ADK: variants seen among roughly 807,000 people sequenced by gnomAD.
ADK encodes the protein adenosine kinase.
Under a neutral mutation model 44.7 loss-of-function variants are expected in ADK, and 24 were observed. That is an observed-to-expected ratio of 0.54 (90% CI 0.39 to 0.76). The LOEUF (loss-of-function observed/expected upper bound fraction) is 0.76. ADK is among the 30% of genes least tolerant of loss of function. The probability of loss-of-function intolerance (pLI) is 0.00; values close to 1 mark genes in which losing one functional copy is unlikely to be tolerated. For missense variants in ADK, 321 were observed against 425.1 expected, an observed-to-expected ratio of 0.76 and a Z score of 2.15; for synonymous variants, 128 against 142.6, an observed-to-expected ratio of 0.90 and a Z score of 0.73.
intron 5 of ADK, among the ~76,000 whole-genome samples, chr10:74,397,528 T>TTTTA (rs201407652): frequency 0.018 from 2,710 of 151,966 alleles, 37 homozygotes; most frequent in Non-Finnish European, 0.022. Context: ...TGTAGCAGGA[T>TTTTA]TTTATTTATT....
chr10:74,356,002 A>ATTTTTTTTT (rs34454856), intron 4 of ADK, among the ~76,000 whole-genome samples: 1 of 83,308 alleles, frequency 1.2e-5, no homozygotes, highest in Non-Finnish European at 2.2e-5. Flanking sequence ...TAAATAATTC[A>ATTTTTTTTT]TTTTTTTTTT....
intron 4 of ADK, among the ~76,000 whole-genome samples, chr10:74,392,804 A>AT (rs961587702): frequency 6.6e-5 from 10 of 151,246 alleles, no homozygotes; most frequent in South Asian, 2.1e-4. Flanking sequence ...TTGAGACTTG[A>AT]TTTTTTTTTG....
intron 4 of ADK, among the ~76,000 whole-genome samples, chr10:74,391,957 C>CT (rs1197251362): frequency 2.0e-5 from 3 of 152,064 alleles, no homozygotes; most frequent in African/African-American, 4.8e-5. Context: ...CAATATGTGT[C>CT]TTTTTTGTGA....
chr10:74,200,933 C>T, intron 2 of ADK, 95 bp downstream of exon 2: 1 of 850,658 alleles, frequency 1.2e-6, no homozygotes. Flanking sequence ...CGAATGTCTT[C>T]AATTAAAGGA....
chr10:74,231,953 TTTTG>T (rs1045922174), intron 3 of ADK, among the ~76,000 whole-genome samples: 27 of 151,988 alleles, frequency 1.8e-4, no homozygotes, highest in Non-Finnish European at 2.4e-4. Context: ...TGCTGCTTTT[TTTTG>T]TTTGTCTTTT....
chr10:74,177,945 A>ATATTTTTTT (rs10693309), intron 1 of ADK, among the ~76,000 whole-genome samples: 2 of 108,970 alleles, frequency 1.8e-5, no homozygotes, highest in South Asian at 2.8e-4. Flanking sequence ...ATATATATAT[A>ATATTTTTTT]TTTTTTTTTT....
chr10:74,287,962 G>A (rs1208919785), intron 3 of ADK, among the ~76,000 whole-genome samples: 2 of 135,740 alleles, frequency 1.5e-5, no homozygotes, highest in African/African-American at 2.8e-5. Context: ...TGCCTGGGGC[G>A]ATGTACTGAG....
chr10:74,208,469 A>C (rs952823523), intron 2 of ADK, among the ~76,000 whole-genome samples: 3 of 152,248 alleles, frequency 2.0e-5, no homozygotes, highest in Non-Finnish European at 4.4e-5. Context: ...AGCTGGTCCT[A>C]AGTGGCTAGC....
At chr10:74,625,123 T>C (rs1428126324) in intron 9 of ADK, among the ~76,000 whole-genome samples, 1 of 152,178 alleles carries the variant, frequency 6.6e-6, no homozygotes, top group African/African-American at 2.4e-5. Context: ...TCTTGAAATC[T>C]AGAAGAGACA....
chr10:74,195,837 C>T (rs139998721), intron 1 of ADK, among the ~76,000 whole-genome samples: 57 of 151,556 alleles, frequency 3.8e-4, no homozygotes, highest in African/African-American at 1.0e-3. Context: ...CCACCACACG[C>T]GGCTAATTTT....
chr10:74,549,222 C>T (rs1308553463), intron 7 of ADK, among the ~76,000 whole-genome samples: 2 of 152,126 alleles, frequency 1.3e-5, no homozygotes, highest in African/African-American at 4.8e-5. Context: ...AAATCACACA[C>T]AGTGAGGGGG....
At chr10:74,337,782 G>A (rs1332840155) in intron 4 of ADK, among the ~76,000 whole-genome samples, 29 of 135,372 alleles carry the variant, frequency 2.1e-4, no homozygotes, top group Non-Finnish European at 4.0e-4. Context: ...TTTTTTTTGA[G>A]TCAGAGTCTT....
chr10:74,481,213 G>T (rs1847060103), intron 6 of ADK, among the ~76,000 whole-genome samples: 1 of 152,132 alleles, frequency 6.6e-6, no homozygotes, highest in African/African-American at 2.4e-5. Context: ...CTTATTGAGA[G>T]AATACGAAGA....
chr10:74,268,514 T>C (rs1483310309), intron 3 of ADK, among the ~76,000 whole-genome samples: 1 of 152,204 alleles, frequency 6.6e-6, no homozygotes, highest in Non-Finnish European at 1.5e-5. Flanking sequence ...GATATAGTTA[T>C]GGTGATGATA....
chr10:74,669,605 A>G (rs1855097296), intron 9 of ADK, among the ~76,000 whole-genome samples: 1 of 152,182 alleles, frequency 6.6e-6, no homozygotes, highest in African/African-American at 2.4e-5. Context: ...GCAAAACATA[A>G]CCAGATTAGG....
chr10:74,507,825 A>G (rs988969483), intron 6 of ADK, among the ~76,000 whole-genome samples: 1 of 152,176 alleles, frequency 6.6e-6, no homozygotes, highest in African/African-American at 2.4e-5. Context: ...GTAAAATAAA[A>G]TAATTACCCT....
chr10:74,258,451 CT>C (rs1845909981), intron 3 of ADK, among the ~76,000 whole-genome samples: 1 of 151,986 alleles, frequency 6.6e-6, no homozygotes, highest in South Asian at 2.1e-4. Context: ...TCTATTTTCT[CT>C]CTTATAGTAT....
intron 4 of ADK, among the ~76,000 whole-genome samples, chr10:74,369,751 A>G (rs147645339): frequency 6.6e-6 from 1 of 152,302 alleles, no homozygotes; most frequent in African/African-American, 2.4e-5. Context: ...GTCTACTTTC[A>G]CTACTTCTGT....
chr10:74,338,975 CAG>C (rs1477021049), intron 4 of ADK, among the ~76,000 whole-genome samples: 6 of 152,108 alleles, frequency 3.9e-5, no homozygotes, highest in Non-Finnish European at 7.4e-5. Context: ...TTTTAAGAGA[CAG>C]TGTCTTGTTC....
Sources: allele counts gnomAD v4.1 joint callset (sites outside exome capture counted in the v4.1 genomes callset), GRCh38; gene constraint gnomAD v4.1.1; transcripts MANE v1.5; gene names NCBI Gene and HGNC (gene_info 2026-07-23, HGNC 2026-07-21).